Variants in TTC19 observed in about 807,000 individuals in gnomAD.
TTC19 encodes the protein tetratricopeptide repeat protein 19, mitochondrial.
In TTC19, 38 loss-of-function variants were observed where a neutral mutation model predicts 49.5. The observed-to-expected ratio is 0.77, with a 90% CI of 0.59 to 1.01. The LOEUF (loss-of-function observed/expected upper bound fraction) is 1.01, where lower values mean the gene tolerates loss of function less well. TTC19 is among the 50% of genes least tolerant of loss of function. The pLI, the probability that TTC19 is intolerant of heterozygous loss-of-function variation, is 0.00. For synonymous variants in TTC19, 204 were observed against 185.2 expected (o/e 1.10, Z -0.83); for missense variants, 475 against 477.7 (o/e 0.99, Z 0.05).
chr17:16,000,427 ACTCTAAGG>A, intron 2 of TTC19, 182 bp downstream of exon 2: 1 of 1,448,018 alleles, frequency 6.9e-7, no homozygotes, highest in Non-Finnish European at 9.1e-7. Flanking sequence ...GGCTTTTCCG[ACTCTAAGG>A]CCTGCAGTAA....
downstream of TTC19, chr17:16,032,266 C>G: frequency 6.4e-7 from 1 of 1,574,134 alleles, no homozygotes; most frequent in Non-Finnish European, 8.6e-7. Flanking sequence ...GATCCCTCTC[C>G]TGCACCCTGT....
chr17:16,027,649 C>T lies in TTC19; in HGVS notation c.*127C>T. 1.7e-6 allele frequency: 2 copies of T among 1,151,824 alleles called. No individual in the cohort carries two copies. The highest frequency in any genetic ancestry group is 2.5e-6 in the Non-Finnish European group (2 of 787,492). 71.4% of individuals were successfully genotyped at this position (1,151,824 alleles called of 1,614,324 possible). ...GATATTCAGGTTTCCTCAATTTAGCCTTAGTGAAGGAGGGGTTGTACACAC... is the reference window on the plus strand; with the variant it reads ...GATATTCAGGTTTCCTCAATTTAGCTTTAGTGAAGGAGGGGTTGTACACAC... On this transcript the variant is annotated 3_prime_UTR_variant, in exon 10 of 10. Transcript: ENST00000261647.
intron 7 of TTC19, chr17:16,024,036 T>G (rs1202856445): frequency 1.3e-5 from 2 of 152,246 alleles, no homozygotes; most frequent in Non-Finnish European, 2.9e-5. Flanking sequence ...GTTGGCAGAA[T>G]TTCCATATAA....
chr17:16,004,062 A>G, intron 5 of TTC19, 139 bp from the exon 6 acceptor site: 1 of 1,110,944 alleles, frequency 9.0e-7, no homozygotes, highest in South Asian at 1.2e-5. Context: ...ATGCTTGCCA[A>G]GGAATTCACA....
At chr17:16,018,899 G>C (rs1313066356) in intron 7 of TTC19, among the ~76,000 whole-genome samples, 2 of 152,150 alleles carry the variant, frequency 1.3e-5, no homozygotes, top group Non-Finnish European at 2.9e-5. Flanking sequence ...GCCTTGGCCA[G>C]ATTTCAATAT....
At position 16,028,148 on chromosome 17, in the gene TTC19, T is replaced by TATC. The variant is rs1279728233; in HGVS notation, c.*627_*629dup. The TATC allele has an allele frequency of 1.5e-5, 7 of 453,934 alleles. No individual in the cohort carries two copies. The highest frequency in any genetic ancestry group is 2.2e-5 in the Non-Finnish European group (5 of 226,790). 28.1% of individuals were successfully genotyped at this position (453,934 alleles called of 1,614,324 possible). ...AATTTAAATAAAAGTGAACCATATT[T>TATC]ATCTGGTTATATAAAACTAAAAATG... On this transcript the variant is annotated 3_prime_UTR_variant, in exon 10 of 10. Transcript: ENST00000261647.
chr17:16,023,116 A>C (rs1394509413), intron 7 of TTC19, among the ~76,000 whole-genome samples: 1 of 152,162 alleles, frequency 6.6e-6, no homozygotes, highest in Non-Finnish European at 1.5e-5. Context: ...ACGTTTTCTA[A>C]AAGTTCAGTA....
intron 2 of TTC19, 88 bp downstream of exon 2, chr17:16,000,333 C>G (rs746419178): frequency 1.3e-5 from 20 of 1,554,158 alleles, no homozygotes; most frequent in Non-Finnish European, 1.6e-5. Context: ...CTCTCTCCGC[C>G]TCGCCGAAGA....
chr17:16,020,787 C>T (rs191977725), intron 7 of TTC19, among the ~76,000 whole-genome samples: 24 of 152,198 alleles, frequency 1.6e-4, no homozygotes, highest in Admixed American at 2.6e-4. Context: ...ATCCTCCCAC[C>T]TCAGCCTCCA....
chr17:16,040,578 AATTAATCTTTTT>A, intron 2 of TTC19: 1 of 1,133,426 alleles, frequency 8.8e-7, no homozygotes, highest in Non-Finnish European at 1.3e-6. Context: ...CCTATAATAA[AATTAATCTTTTT>A]ATTTTTCATG....
intron 7 of TTC19, 180 bp from the exon 8 acceptor site, chr17:16,024,837 C>T: frequency 1.6e-6 from 1 of 628,476 alleles, no homozygotes; most frequent in Admixed American, 2.7e-5. Flanking sequence ...GACTCTTAAT[C>T]TACTTAAAAT....
intron 2 of TTC19, chr17:16,039,574 T>A (rs749587059): frequency 4.3e-6 from 7 of 1,614,020 alleles, no homozygotes; most frequent in Non-Finnish European, 5.9e-6. Context: ...AAGCTTCCCA[T>A]GAGAGCCTTC....
At chr17:16,038,161 A>G (rs1457130325) in intron 2 of TTC19, among the ~76,000 whole-genome samples, 1 of 151,824 alleles carries the variant, frequency 6.6e-6, no homozygotes, top group Non-Finnish European at 1.5e-5. Context: ...AAATAAATCT[A>G]AACTAAAACA....
chr17:16,000,325 C>A, intron 2 of TTC19, 80 bp downstream of exon 2: 1 of 1,561,850 alleles, frequency 6.4e-7, no homozygotes, highest in Admixed American at 1.8e-5. Context: ...GCGCATTACT[C>A]TCTCCGCCTC....
intron 7 of TTC19, among the ~76,000 whole-genome samples, chr17:16,019,392 T>C (rs1019701000): frequency 1.3e-5 from 2 of 152,240 alleles, no homozygotes; most frequent in African/African-American, 4.8e-5. Flanking sequence ...ATATGAATGG[T>C]ATCATACTGT....
intron 2 of TTC19, chr17:16,035,015 T>C (rs1973928244): frequency 7.0e-7 from 1 of 1,427,386 alleles, no homozygotes; most frequent in Non-Finnish European, 9.6e-7. Context: ...CTAATGATTA[T>C]ATATTGCTAA....
intron 7 of TTC19, among the ~76,000 whole-genome samples, chr17:16,012,840 T>C (rs1386276239): frequency 1.3e-5 from 2 of 152,132 alleles, no homozygotes; most frequent in Non-Finnish European, 2.9e-5. Flanking sequence ...GCTAGGCCTA[T>C]TTGCTTTTCT....
In TTC19 at chr17:16,002,649, T is replaced by G. The variant is rs564168698; in HGVS notation, c.424-144T>G. 2.0e-5 allele frequency: 15 copies of G among 760,068 alleles called. No homozygotes were observed. The East Asian group carries it at 3.8e-4, about 19-fold the overall frequency. 47.1% of individuals were successfully genotyped at this position (760,068 alleles called of 1,614,324 possible). A position where few individuals can be genotyped will look rare whatever the true frequency, so the allele number is the denominator to read the frequency against. ...CACATGATTGCTGTCCTGTGCTTCT[T>G]CTTGCAGATTAATTGGTGATGTGCT... On this transcript the variant is annotated intron_variant, in intron 3 of 9. Transcript: ENST00000261647.
chr17:16,000,098 C>T lies in TTC19; in HGVS notation c.185-20C>T. Reference sequence around the variant, plus strand: ...AGGGGCGCGGGCCGGGCCCGATGACCTCAGAGCCCCTTCCCGCAGCGCTCG... The same window carrying T: ...AGGGGCGCGGGCCGGGCCCGATGACTTCAGAGCCCCTTCCCGCAGCGCTCG... On this transcript the variant is annotated intron_variant, in intron 1 of 9. Coordinates refer to ENST00000261647, the MANE Select transcript of TTC19 (RefSeq NM_017775.4). The T allele has an allele frequency of 2.0e-6, 3 of 1,517,686 alleles. No individual in the cohort carries two copies. Among genetic ancestry groups the T allele is most frequent in the Non-Finnish European group, 2.6e-6 (3 of 1,138,906 alleles). The allele number at this position is 1,517,686 out of a possible 1,614,324, so 94.0% of individuals were successfully genotyped here.
Sources: gnomAD v4.1 joint callset for allele counts (sites outside exome capture counted in the v4.1 genomes callset) on GRCh38, gnomAD v4.1.1 for gene constraint, MANE v1.5 for transcripts, NCBI Gene and HGNC (gene_info 2026-07-23, HGNC 2026-07-21) for gene names.